CSMD1: variants seen among roughly 807,000 people sequenced by gnomAD.
CSMD1 encodes the protein CUB and sushi domain-containing protein 1.
A neutral mutation model predicts 417.5 loss-of-function variants in CSMD1; 213 were observed. That is an observed-to-expected ratio of 0.51 (90% confidence interval 0.46 to 0.57). CSMD1 has a LOEUF of 0.57. Among genes scored for constraint, CSMD1 ranks in the 20% least tolerant of loss-of-function variants. The probability of loss-of-function intolerance (pLI) is 0.00; values close to 1 mark genes in which losing one functional copy is unlikely to be tolerated. For synonymous variants in CSMD1, 2,862 were observed against 1,736.8 expected (o/e 1.65, Z -16.11); for missense variants, 6,923 against 4,529.7 (o/e 1.53, Z -15.17).
intron 2 of CSMD1, among the ~76,000 whole-genome samples, chr8:4,484,752 G>A (rs1051741631): frequency 3.3e-5 from 5 of 151,938 alleles, no homozygotes; most frequent in Admixed American, 2.0e-4. Flanking sequence ...GGCGGATCAC[G>A]AGGTCAGGAG....
intron 10 of CSMD1, among the ~76,000 whole-genome samples, chr8:3,531,830 C>G (rs752103603): frequency 6.6e-6 from 1 of 152,182 alleles, no homozygotes; most frequent in African/African-American, 2.4e-5. Context: ...AGCAGTTGCA[C>G]AGAGAGAAAC....
At chr8:3,092,713 G>A (rs1046863974) in intron 47 of CSMD1, among the ~76,000 whole-genome samples, 2 of 152,178 alleles carry the variant, frequency 1.3e-5, no homozygotes, top group Non-Finnish European at 2.9e-5. Flanking sequence ...GAGTCACCCG[G>A]CATTGCCCTC....
chr8:4,124,199 C>G (rs924671141), intron 3 of CSMD1, among the ~76,000 whole-genome samples: 2 of 152,014 alleles, frequency 1.3e-5, no homozygotes, highest in African/African-American at 4.8e-5. Context: ...GCAGTACGAC[C>G]AGGAGGAAGC....
At chr8:4,664,985 T>A (rs946151107) in intron 1 of CSMD1, among the ~76,000 whole-genome samples, 1 of 152,202 alleles carries the variant, frequency 6.6e-6, no homozygotes, top group Non-Finnish European at 1.5e-5. Context: ...AGGAAAATAA[T>A]ATCTCATCGT....
intron 10 of CSMD1, among the ~76,000 whole-genome samples, chr8:3,528,720 G>A (rs1024043816): frequency 2.6e-5 from 4 of 152,158 alleles, no homozygotes; most frequent in Non-Finnish European, 5.9e-5. Flanking sequence ...AAAGCTTGAG[G>A]GATTGGAATA....
intron 11 of CSMD1, among the ~76,000 whole-genome samples, chr8:3,492,617 G>C (rs906282234): frequency 6.6e-5 from 10 of 152,180 alleles, no homozygotes; most frequent in Non-Finnish European, 1.2e-4. Flanking sequence ...TCATAAACCA[G>C]GTGTGATAAA....
At chr8:4,092,532 G>A (rs924552579) in intron 3 of CSMD1, among the ~76,000 whole-genome samples, 1 of 151,942 alleles carries the variant, frequency 6.6e-6, no homozygotes, top group Non-Finnish European at 1.5e-5. Flanking sequence ...AAGAATAGAA[G>A]TATTTTGGAA....
chr8:4,570,561 T>G (rs1161285383), intron 2 of CSMD1, among the ~76,000 whole-genome samples: 1 of 152,200 alleles, frequency 6.6e-6, no homozygotes. Flanking sequence ...GATTTTCACA[T>G]CGATGTTCAT....
chr8:3,461,174 C>G (rs1395642055), intron 12 of CSMD1, among the ~76,000 whole-genome samples: 4 of 152,194 alleles, frequency 2.6e-5, no homozygotes, highest in Non-Finnish European at 5.9e-5. Context: ...AGCTGCACAC[C>G]TCTCAGGGAA....
intron 23 of CSMD1, among the ~76,000 whole-genome samples, chr8:3,323,513 A>G (rs1182608772): frequency 6.6e-6 from 1 of 152,216 alleles, no homozygotes; most frequent in East Asian, 1.9e-4. Context: ...AGAAGGAGTT[A>G]AAAGGGAAAC....
chr8:3,922,709 A>T (rs1412738142), intron 5 of CSMD1, among the ~76,000 whole-genome samples: 1 of 152,160 alleles, frequency 6.6e-6, no homozygotes, highest in Non-Finnish European at 1.5e-5. Flanking sequence ...TGATATTACT[A>T]TCTACATCTT....
intron 1 of CSMD1, among the ~76,000 whole-genome samples, chr8:4,837,886 G>C (rs1008834887): frequency 6.6e-6 from 1 of 151,718 alleles, no homozygotes; most frequent in African/African-American, 2.4e-5. Context: ...TACACCTAAC[G>C]TGAACCCCAA....
At chr8:3,842,591 C>T (rs911882423) in intron 5 of CSMD1, among the ~76,000 whole-genome samples, 1 of 151,882 alleles carries the variant, frequency 6.6e-6, no homozygotes, top group South Asian at 2.1e-4. Flanking sequence ...AAATCTCTTG[C>T]CTATATGGAA....
chr8:4,739,928 C>G (rs777082198), intron 1 of CSMD1, among the ~76,000 whole-genome samples: 5 of 152,296 alleles, frequency 3.3e-5, no homozygotes, highest in Middle Eastern at 6.8e-3. Context: ...CAGTTGCTCT[C>G]TGCAGCAACT....
intron 2 of CSMD1, among the ~76,000 whole-genome samples, chr8:4,543,505 C>A (rs540494340): frequency 6.6e-6 from 1 of 152,132 alleles, no homozygotes; most frequent in South Asian, 2.1e-4. Context: ...TTTTGATTAT[C>A]TGTATGGACC....
At chr8:4,136,064 G>A (rs1714799) in intron 3 of CSMD1, among the ~76,000 whole-genome samples, 25,635 of 151,944 alleles carry the variant, frequency 0.17, 2,712 homozygotes, top group East Asian at 0.32. Flanking sequence ...CACTTGGCAA[G>A]AGAAAAAAAA....
chr8:3,035,035 C>T (rs1317484558), intron 50 of CSMD1, among the ~76,000 whole-genome samples: 1 of 152,164 alleles, frequency 6.6e-6, no homozygotes, highest in Non-Finnish European at 1.5e-5. Flanking sequence ...CACGCCTCCC[C>T]TAAGACTTAA....
chr8:3,474,132 T>G (rs1221544687), intron 11 of CSMD1, among the ~76,000 whole-genome samples: 2 of 152,174 alleles, frequency 1.3e-5, no homozygotes, highest in Admixed American at 6.5e-5. Flanking sequence ...CAGGTTGGCA[T>G]GCTCCCCATG....
At chr8:4,687,119 T>C (rs935824282) in intron 1 of CSMD1, among the ~76,000 whole-genome samples, 6 of 152,166 alleles carry the variant, frequency 3.9e-5, no homozygotes, top group Admixed American at 6.5e-5. Context: ...AAAGCTGCCA[T>C]AGCACACAGA....
Sources: allele counts gnomAD v4.1 joint callset (sites outside exome capture counted in the v4.1 genomes callset), GRCh38; gene constraint gnomAD v4.1.1; transcripts MANE v1.5; gene names NCBI Gene and HGNC (gene_info 2026-07-23, HGNC 2026-07-21).